Variants in MAP3K19 observed in about 807,000 individuals in gnomAD.
MAP3K19 encodes SPS1/STE20-related protein kinase YSK4.
In MAP3K19, 91 loss-of-function variants were observed where a neutral mutation model predicts 114.4. That is an observed-to-expected ratio of 0.80 (90% confidence interval 0.67 to 0.95). The LOEUF is 0.95. Ranked by LOEUF, MAP3K19 falls within the 40% of genes least tolerant of loss-of-function variation. The pLI is 0.00. For missense variants in MAP3K19, 1,471 were observed against 1,573.2 expected (o/e 0.94, Z 1.10); for synonymous variants, 518 against 530.5 (o/e 0.98, Z 0.32).
At chr2:135,038,092 A>G (rs1259449930) in intron 2 of MAP3K19, among the ~76,000 whole-genome samples, 3 of 152,126 alleles carry the variant, frequency 2.0e-5, no homozygotes, top group Non-Finnish European at 4.4e-5. Flanking sequence ...ACATGGGATC[A>G]GGGGAGGTGT....
chr2:134,986,274 CT>C lies in MAP3K19; in HGVS notation c.2597del (p.Lys866SerfsTer16), dbSNP rs745824536. 6.2e-7 allele frequency: 1 copy of C among 1,614,062 alleles called. No individual in the cohort carries two copies. Among genetic ancestry groups the C allele is most frequent in the East Asian group, 2.2e-5 (1 of 44,886 alleles). On this transcript the variant is annotated frameshift_variant, in exon 10 of 13. Coordinates refer to ENST00000392915, the MANE Select transcript of MAP3K19 (RefSeq NM_025052.5). LOFTEE classifies it high-confidence loss of function. ...TATTCTGCTTTTCTTGCTGTACATACTTGTTAGAATTCTTCTCACTGGGCAC... is the reference window on the plus strand; with the variant it reads ...TATTCTGCTTTTCTTGCTGTACATACTGTTAGAATTCTTCTCACTGGGCAC... ...WAVPSEKNSN[K>X]YVQQEKQNTA...
intron 5 of MAP3K19, among the ~76,000 whole-genome samples, chr2:135,010,201 G>A (rs1363855690): frequency 6.6e-6 from 1 of 152,008 alleles, no homozygotes; most frequent in Non-Finnish European, 1.5e-5. Context: ...TAAAAGATGT[G>A]TGATCCCTAT....
intron 2 of MAP3K19, among the ~76,000 whole-genome samples, chr2:135,034,958 A>G (rs62168934): frequency 0.27 from 40,351 of 151,796 alleles, 7,230 homozygotes; most frequent in African/African-American, 0.49. Flanking sequence ...TATCAAGAAA[A>G]TGTGATATTA....
chr2:134,969,156 C>T (rs1278476977), intron 12 of MAP3K19, among the ~76,000 whole-genome samples: 2 of 150,110 alleles, frequency 1.3e-5, no homozygotes, highest in Non-Finnish European at 1.5e-5. Flanking sequence ...GAGACCGGCC[C>T]AGCCAACACA....
intron 5 of MAP3K19, among the ~76,000 whole-genome samples, chr2:135,009,383 T>C (rs758785205): frequency 1.6e-4 from 24 of 152,178 alleles, no homozygotes; most frequent in Non-Finnish European, 3.1e-4. Context: ...TTATGGGTCA[T>C]TTGAATTTTT....
At chr2:135,021,485 C>CAT (rs1553432578) in intron 5 of MAP3K19, among the ~76,000 whole-genome samples, 1 of 152,030 alleles carries the variant, frequency 6.6e-6, no homozygotes, top group African/African-American at 2.4e-5. Flanking sequence ...CACACACACA[C>CAT]ACACACACAC....
At position 134,966,605 on chromosome 2, in the gene MAP3K19, T is replaced by C. The variant is rs528912043; in HGVS notation, c.3921-1689A>G. ...TTCTTGCATTATTATGAGGAAATCC[T>C]TAGAGGTTGGGAACTTGGGTGACTT... is the stretch of plus-strand genomic sequence containing the variant. On this transcript the variant is annotated intron_variant, in intron 12 of 12. Coordinates refer to ENST00000392915, the MANE Select transcript of MAP3K19 (RefSeq NM_025052.5). Among the ~76,000 whole-genome samples the C allele has an allele frequency of 3.9e-3, 596 of 152,270 alleles. 1 individual carries two copies. Among genetic ancestry groups the C allele is most frequent in the Non-Finnish European group, 5.7e-3 (388 of 68,010 alleles).
At chr2:134,977,335 C>T (rs1450492589) in intron 12 of MAP3K19, among the ~76,000 whole-genome samples, 3 of 149,812 alleles carry the variant, frequency 2.0e-5, no homozygotes, top group South Asian at 4.2e-4. Context: ...GTGTACACAA[C>T]CATGACTTGC....
chr2:134,986,311 T>C lies in MAP3K19; in HGVS notation c.2561A>G (p.Asp854Gly). ...CTTCTCACTGGGCACTGCCCAGCTG[T>C]CTTCTGAAGGGATAAATGGGATCTG... The part of the protein sequence containing the change: ...HHQIPFIPSE[D>G]SWAVPSEKNS... The change falls in exon 10 of 13, where the codon GAC becomes GGC. Residue 854 changes from aspartate (D) to glycine (G), a missense_variant. Transcript: ENST00000392915. 18 of 1,613,852 alleles carry C rather than the reference T, an allele frequency of 1.1e-5. No homozygotes were observed. Among genetic ancestry groups the C allele is most frequent in the Non-Finnish European group, 1.5e-5 (18 of 1,179,916 alleles).
chr2:135,024,221 C>T (rs1688160794), intron 4 of MAP3K19, among the ~76,000 whole-genome samples: 1 of 152,222 alleles, frequency 6.6e-6, no homozygotes, highest in South Asian at 2.1e-4. Flanking sequence ...TTCACAAAGT[C>T]ACACGCTGCT....
intron 1 of MAP3K19, among the ~76,000 whole-genome samples, chr2:135,046,149 T>C (rs1688737271): frequency 1.3e-5 from 2 of 152,298 alleles, no homozygotes; most frequent in South Asian, 4.1e-4. Context: ...CCAGGCTTAG[T>C]CACAAACCCA....
chr2:134,983,580 A>C lies in MAP3K19; in HGVS notation c.3222+96T>G. The C allele has an allele frequency of 3.7e-6, 3 of 806,814 alleles. No individual in the cohort carries two copies. In the East Asian group the frequency reaches 8.3e-5, roughly 22 times the overall value. The allele number at this position is 806,814 out of a possible 1,614,324, so 50.0% of individuals were successfully genotyped here. A position where few individuals can be genotyped will look rare whatever the true frequency, so the allele number is the denominator to read the frequency against. On this transcript the variant is annotated intron_variant, in intron 11 of 12. Coordinates refer to ENST00000392915, the MANE Select transcript of MAP3K19 (RefSeq NM_025052.5). ...TTCTAAGTAAAAGAGTGCTTGCCAG[A>C]GGAAGCAGGGAGGATGACTGGGGGA...
At position 134,987,198 on chromosome 2, in the gene MAP3K19, A is replaced by G. The variant is rs529980828; in HGVS notation, c.1674T>C (p.Gly558=). ...TPQNFVISTE[G]PIKPTMHKTS... ...TTTTATGCATGGTAGGCTTAATGGG[A>G]CCTTCAGTAGAAATCACAAAATTCT... is the stretch of plus-strand genomic sequence containing the variant. The change falls in exon 10 of 13, where the codon GGT becomes GGC. Residue 558 remains glycine, a synonymous_variant. Transcript: ENST00000392915. The G allele has an allele frequency of 3.1e-5, 50 of 1,613,916 alleles. No individual in the cohort carries two copies. The highest frequency in any genetic ancestry group is 4.0e-5 in the Non-Finnish European group (47 of 1,179,978).
intron 5 of MAP3K19, among the ~76,000 whole-genome samples, chr2:135,011,207 C>T (rs1018745220): frequency 1.1e-4 from 17 of 152,208 alleles, no homozygotes; most frequent in African/African-American, 4.1e-4. Context: ...AACTTTATTT[C>T]GGCTACAATA....
At chr2:135,006,386 A>T (rs542952554) in intron 5 of MAP3K19, among the ~76,000 whole-genome samples, 8 of 152,218 alleles carry the variant, frequency 5.3e-5, no homozygotes, top group Admixed American at 3.9e-4. Context: ...CTAAGTGCTC[A>T]AGCCTGTCAT....
intron 12 of MAP3K19, among the ~76,000 whole-genome samples, chr2:134,969,857 T>G (rs905646077): frequency 1.3e-5 from 2 of 152,222 alleles, no homozygotes; most frequent in Non-Finnish European, 2.9e-5. Context: ...GCACCATATA[T>G]TGAAGAGGGT....
chr2:134,971,568 TA>T (rs1319089849), intron 12 of MAP3K19, among the ~76,000 whole-genome samples: 1 of 152,192 alleles, frequency 6.6e-6, no homozygotes, highest in Non-Finnish European at 1.5e-5. Context: ...TTTTCTTTGT[TA>T]GGAGATATTT....
chr2:134,967,921 G>A (rs1307900291), intron 12 of MAP3K19, among the ~76,000 whole-genome samples: 2 of 151,308 alleles, frequency 1.3e-5, no homozygotes, highest in East Asian at 3.9e-4. Context: ...GGATTTGGCA[G>A]GGTCATAGGA....
Position 135,022,456 on chromosome 2 carries a change from T to C in MAP3K19, c.23-626A>G, listed in dbSNP as rs78617766. ...TACTGGTGGAAGATTAGGAGATGCT[T>C]CTTGGCCTCTTCCAACTAAACCCTG... On this transcript the variant is annotated intron_variant, in intron 4 of 12. Coordinates refer to ENST00000392915, the MANE Select transcript of MAP3K19 (RefSeq NM_025052.5). 6.6e-3 allele frequency among the ~76,000 whole-genome samples: 1,011 copies of C among 152,266 alleles called. 19 individuals carry two copies. Among genetic ancestry groups the C allele is most frequent in the African/African-American group, 0.023 (959 of 41,542 alleles).
Sources: gnomAD v4.1 joint callset for allele counts (sites outside exome capture counted in the v4.1 genomes callset) on GRCh38, gnomAD v4.1.1 for gene constraint, MANE v1.5 for transcripts, NCBI Gene and HGNC (gene_info 2026-07-23, HGNC 2026-07-21) for gene names.